The following NRXN3 variants were observed in gnomAD, a reference collection of about 807,000 sequenced individuals.
NRXN3 encodes the protein neurexin III.
A neutral mutation model predicts 137.6 loss-of-function variants in NRXN3; 32 were observed. The observed-to-expected ratio is 0.23, with a 90% CI of 0.18 to 0.31. The LOEUF (loss-of-function observed/expected upper bound fraction) is 0.31, where lower values mean the gene tolerates loss of function less well. Ranked by LOEUF, NRXN3 falls within the 10% of genes least tolerant of loss-of-function variation. The probability of loss-of-function intolerance (pLI) is 1.00; values close to 1 mark genes in which losing one functional copy is unlikely to be tolerated. For synonymous variants in NRXN3, 798 were observed against 784.5 expected (o/e 1.02, Z -0.29); for missense variants, 1,574 against 2,062.5 (o/e 0.76, Z 4.59).
intron 4 of NRXN3, among the ~76,000 whole-genome samples, chr14:78,478,891 C>G (rs995584921): frequency 1.3e-5 from 2 of 152,190 alleles, no homozygotes; most frequent in African/African-American, 2.4e-5. Flanking sequence ...TTAACTTGAT[C>G]TAGCTGCAAG....
chr14:78,256,427 G>A (rs1264455728), intron 2 of NRXN3, among the ~76,000 whole-genome samples: 1 of 152,234 alleles, frequency 6.6e-6, no homozygotes, highest in African/African-American at 2.4e-5. Context: ...CCCAAAAGGG[G>A]CACAGCAGGT....
At chr14:79,185,116 A>AT (rs1490961656) in intron 15 of NRXN3, among the ~76,000 whole-genome samples, 6 of 152,190 alleles carry the variant, frequency 3.9e-5, no homozygotes, top group Non-Finnish European at 7.3e-5. Flanking sequence ...CTAATAAGCT[A>AT]TTTTTTATTT....
intron 4 of NRXN3, among the ~76,000 whole-genome samples, chr14:78,507,598 C>A (rs1167399394): frequency 6.6e-6 from 1 of 152,174 alleles, no homozygotes; most frequent in East Asian, 1.9e-4. Context: ...TTTGTAAAAT[C>A]ACCCTTCCAC....
chr14:78,440,540 C>T (rs2094210361), intron 4 of NRXN3, among the ~76,000 whole-genome samples: 1 of 152,118 alleles, frequency 6.6e-6, no homozygotes, highest in South Asian at 2.1e-4. Flanking sequence ...GCATAGGTTC[C>T]TAGAGGTCGT....
intron 15 of NRXN3, among the ~76,000 whole-genome samples, chr14:79,449,623 T>C (rs2096129400): frequency 6.6e-6 from 1 of 152,216 alleles, no homozygotes; most frequent in Non-Finnish European, 1.5e-5. Flanking sequence ...TATATTCAAA[T>C]ATAAGGCCTC....
chr14:78,772,512 A>G (rs1045735598), intron 8 of NRXN3, among the ~76,000 whole-genome samples: 1 of 152,230 alleles, frequency 6.6e-6, no homozygotes, highest in Non-Finnish European at 1.5e-5. Flanking sequence ...ACTATCTGCT[A>G]ATAAGTGTCA....
At chr14:79,343,805 C>A (rs1314133261) in intron 15 of NRXN3, among the ~76,000 whole-genome samples, 2 of 152,200 alleles carry the variant, frequency 1.3e-5, no homozygotes, top group Admixed American at 6.5e-5. Context: ...GGAAAGAATC[C>A]TTTTTCCCTT....
chr14:78,740,094 A>T (rs887931906), intron 8 of NRXN3, among the ~76,000 whole-genome samples: 28 of 152,128 alleles, frequency 1.8e-4, no homozygotes, highest in African/African-American at 6.8e-4. Flanking sequence ...AATAATTTTG[A>T]TGTTCAAAAG....
chr14:78,650,228 C>G (rs902787540), intron 5 of NRXN3, among the ~76,000 whole-genome samples: 12 of 151,840 alleles, frequency 7.9e-5, no homozygotes, highest in African/African-American at 2.9e-4. Flanking sequence ...GATTTTGATT[C>G]TTTCCCTAAT....
chr14:79,231,246 T>C (rs994843762), intron 15 of NRXN3, among the ~76,000 whole-genome samples: 2 of 152,110 alleles, frequency 1.3e-5, no homozygotes, highest in African/African-American at 4.8e-5. Context: ...TAAAGAGAGC[T>C]CTTTAAAATG....
intron 15 of NRXN3, among the ~76,000 whole-genome samples, chr14:79,361,511 G>A (rs1051941996): frequency 6.6e-6 from 1 of 152,128 alleles, no homozygotes; most frequent in African/African-American, 2.4e-5. Context: ...GAGGTCAGGA[G>A]TTTGAGACTA....
chr14:79,409,794 C>T (rs980369338), intron 15 of NRXN3, among the ~76,000 whole-genome samples: 1 of 151,622 alleles, frequency 6.6e-6, no homozygotes, highest in Non-Finnish European at 1.5e-5. Context: ...TTGTTGTTCA[C>T]TGGTCCTAAC....
chr14:78,363,392 A>G (rs1443561216), intron 4 of NRXN3, among the ~76,000 whole-genome samples: 1 of 152,236 alleles, frequency 6.6e-6, no homozygotes, highest in Non-Finnish European at 1.5e-5. Context: ...TGTGAAGAAG[A>G]GAACTTTTTA....
At chr14:78,375,943 C>T (rs1325955037) in intron 4 of NRXN3, among the ~76,000 whole-genome samples, 1 of 151,818 alleles carries the variant, frequency 6.6e-6, no homozygotes, top group Non-Finnish European at 1.5e-5. Context: ...CTACATGGTT[C>T]AGTGTTAGTG....
At chr14:79,039,285 G>A (rs982048685) in intron 15 of NRXN3, among the ~76,000 whole-genome samples, 17 of 151,990 alleles carry the variant, frequency 1.1e-4, no homozygotes, top group African/African-American at 4.1e-4. Flanking sequence ...CATTTGCTCA[G>A]GTCTAATTTT....
rs796107012 is a variant in NRXN3, at chr14:79,358,607, G to GAGAAGGAAAGAAAGAA, written c.3263-108610_3263-108609insGGAAAGAAAGAAAGAA. On this transcript the variant is annotated intron_variant, in intron 15 of 20. Coordinates refer to ENST00000335750, the MANE Select transcript of NRXN3 (RefSeq NM_001330195.2). ...AGAGAGAAAGAAAGAAAGAAAGAAA[G>GAGAAGGAAAGAAAGAA]AGAAAGAAAGAAAGAAAGAAAGAAA... 6.4e-4 allele frequency among the ~76,000 whole-genome samples: 51 copies of GAGAAGGAAAGAAAGAA among 79,984 alleles called. 1 individual carries two copies. The highest frequency in any genetic ancestry group is 6.3e-3 in the Middle Eastern group (1 of 158). 52.5% of individuals were successfully genotyped at this position (79,984 alleles called of 152,430 possible).
intron 16 of NRXN3, among the ~76,000 whole-genome samples, chr14:79,520,820 G>A (rs1054235792): frequency 6.6e-6 from 1 of 152,176 alleles, no homozygotes; most frequent in African/African-American, 2.4e-5. Context: ...ACTTTGGTGG[G>A]AGTGTAAATT....
At chr14:78,728,612 G>A (rs561021721) in intron 8 of NRXN3, among the ~76,000 whole-genome samples, 6 of 152,134 alleles carry the variant, frequency 3.9e-5, no homozygotes, top group Non-Finnish European at 8.8e-5. Flanking sequence ...TGTGGGGGCG[G>A]TGGGGAGGTG....
chr14:78,989,826 ACT>A (rs2099514916), intron 15 of NRXN3, among the ~76,000 whole-genome samples: 1 of 151,918 alleles, frequency 6.6e-6, no homozygotes, highest in African/African-American at 2.4e-5. Flanking sequence ...TCAGGAAGAG[ACT>A]CTCCACACAG....
Sources: allele counts gnomAD v4.1 joint callset (sites outside exome capture counted in the v4.1 genomes callset), GRCh38; gene constraint gnomAD v4.1.1; transcripts MANE v1.5; gene names NCBI Gene and HGNC (gene_info 2026-07-23, HGNC 2026-07-21).